The following HCN4 variants were observed in gnomAD, a reference collection of about 807,000 sequenced individuals.
HCN4 encodes the protein hyperpolarization activated cyclic nucleotide gated potassium channel 4.
Under a neutral mutation model 76.9 loss-of-function variants are expected in HCN4, and 29 were observed. The observed-to-expected ratio is 0.38, with a 90% CI of 0.28 to 0.51. HCN4 has a LOEUF of 0.51. HCN4 is among the 20% of genes least tolerant of loss of function. The pLI, the probability that HCN4 is intolerant of heterozygous loss-of-function variation, is 0.90. For synonymous variants in HCN4, 772 were observed against 762.5 expected, an observed-to-expected ratio of 1.01 and a Z score of -0.21; for missense variants, 1,416 against 1,715.2, an observed-to-expected ratio of 0.83 and a Z score of 3.08.
In HCN4 at chr15:73,320,580, G is replaced by C. The variant is rs972236001; in HGVS notation, c.*1901C>G. The C allele has an allele frequency of 2.0e-5, 3 of 152,214 alleles. No individual in the cohort carries two copies. Among genetic ancestry groups the C allele is most frequent in the African/African-American group, 7.2e-5 (3 of 41,408 alleles). The allele number at this position is 152,214 out of a possible 1,614,324, so 9.4% of individuals were successfully genotyped here. ...CTGGCAAGATCCCATCTGGGAGGAG[G>C]GAGGATGGTGCCTCCAAAGGCATCT... On this transcript the variant is annotated 3_prime_UTR_variant, in exon 8 of 8. Transcript: ENST00000261917.
chr15:73,356,747 G>A (rs921503868), intron 1 of HCN4, among the ~76,000 whole-genome samples: 1 of 152,012 alleles, frequency 6.6e-6, no homozygotes, highest in African/African-American at 2.4e-5. Flanking sequence ...GTCTAACAAG[G>A]AAGATGAGTG....
intron 2 of HCN4, chr15:73,342,480 A>G: frequency 6.6e-6 from 1 of 152,368 alleles, no homozygotes; most frequent in Non-Finnish European, 1.5e-5. Flanking sequence ...CAGTGCCTTG[A>G]ACCAATGACT....
rs1199622957 is a variant in HCN4 at position 73,322,006 on chromosome 15, C to A, written c.*475G>T. 1.1e-5 allele frequency: 2 copies of A among 190,346 alleles called. No homozygotes were observed. Among genetic ancestry groups the A allele is most frequent in the African/African-American group, 4.8e-5 (2 of 41,952 alleles). 11.8% of individuals were successfully genotyped at this position (190,346 alleles called of 1,614,324 possible). A position where few individuals can be genotyped will look rare whatever the true frequency, so the allele number is the denominator to read the frequency against. ...AGGCCCTCAGGGCCCTGGCCCTTTTCTCCCAAGGTCGCAGGCTTCTGAGGC... is the reference window on the plus strand; with the variant it reads ...AGGCCCTCAGGGCCCTGGCCCTTTTATCCCAAGGTCGCAGGCTTCTGAGGC... On this transcript the variant is annotated 3_prime_UTR_variant, in exon 8 of 8. Transcript: ENST00000261917.
Position 73,326,792 on chromosome 15 carries a change from TA to T in HCN4, c.1591-1349del, listed in dbSNP as rs199939962. Among the ~76,000 whole-genome samples the T allele has an allele frequency of 7.2e-3, 1,076 of 150,282 alleles. 54 individuals are homozygous for T. The highest frequency in any genetic ancestry group is 0.063 in the Admixed American group (961 of 15,138). On this transcript the variant is annotated intron_variant, in intron 4 of 7. Transcript: ENST00000261917. Reference sequence around the variant, plus strand: ...CTTTTTATTTATTTATTTATTTATTTATTTTTTTTGTTAAGACAGGGTCTCG... The same window carrying T: ...CTTTTTATTTATTTATTTATTTATTTTTTTTTTTGTTAAGACAGGGTCTCG...
Position 73,322,275 on chromosome 15 carries a change from G to A in HCN4, c.*206C>T. The A allele has an allele frequency of 4.0e-6, 2 of 500,944 alleles. No individual in the cohort carries two copies. The highest frequency in any genetic ancestry group is 7.4e-6 in the Non-Finnish European group (2 of 271,282). The allele number at this position is 500,944 out of a possible 1,614,324, so 31.0% of individuals were successfully genotyped here. On this transcript the variant is annotated 3_prime_UTR_variant, in exon 8 of 8. Transcript: ENST00000261917. ...TCCCCCTCCCTCCCTCTAGTGCTGAGTATTAAAATAGTCTATAAAAGCAAG... is the reference window on the plus strand; with the variant it reads ...TCCCCCTCCCTCCCTCTAGTGCTGAATATTAAAATAGTCTATAAAAGCAAG...
Position 73,356,294 on chromosome 15 carries a change from G to A in HCN4, c.785+11192C>T, listed in dbSNP as rs995901868. 8.7e-5 allele frequency among the ~76,000 whole-genome samples: 13 copies of A among 149,886 alleles called. 1 individual carries two copies. The highest frequency in any genetic ancestry group is 6.0e-4 in the Admixed American group (9 of 15,020). On this transcript the variant is annotated intron_variant, in intron 1 of 7. Transcript: ENST00000261917. The stretch of plus-strand genomic sequence containing the variant: ...CTCGACCTCCCTGGGCTCAAGCCAC[G>A]CTCCTGCTTGAGTCTCTGGAGTGGC...
chr15:73,348,210 C>T (rs2043037468), intron 1 of HCN4, among the ~76,000 whole-genome samples: 1 of 152,186 alleles, frequency 6.6e-6, no homozygotes, highest in African/African-American at 2.4e-5. Flanking sequence ...AGACTAAGGG[C>T]CCTCTCCTTC....
intron 1 of HCN4, among the ~76,000 whole-genome samples, chr15:73,358,859 TA>T (rs747742938): frequency 3.3e-5 from 5 of 152,180 alleles, no homozygotes; most frequent in Admixed American, 2.0e-4. Flanking sequence ...CATATTGATC[TA>T]TTGCTCATCT....
In HCN4 at chr15:73,322,439, A is replaced by G; in HGVS notation, c.*42T>C. The G allele has an allele frequency of 6.9e-7, 1 of 1,441,370 alleles. No homozygotes were observed. The highest frequency in any genetic ancestry group is 9.6e-7 in the Non-Finnish European group (1 of 1,045,528). 89.3% of individuals were successfully genotyped at this position (1,441,370 alleles called of 1,614,324 possible). The stretch of plus-strand genomic sequence containing the variant: ...ACAGTTAAACCTGAAGGAAGAAGGA[A>G]GGGAGAGAAAAGAAGAAAGAAGAGG... On this transcript the variant is annotated 3_prime_UTR_variant, in exon 8 of 8. Coordinates refer to ENST00000261917, the MANE Select transcript of HCN4 (RefSeq NM_005477.3).
At chr15:73,355,201 T>C (rs899334585) in intron 1 of HCN4, among the ~76,000 whole-genome samples, 24 of 152,200 alleles carry the variant, frequency 1.6e-4, no homozygotes, top group African/African-American at 5.8e-4. Flanking sequence ...GCCCATGCTA[T>C]GCGATGGAAG....
intron 3 of HCN4, among the ~76,000 whole-genome samples, chr15:73,331,750 C>T (rs758718432): frequency 7.2e-5 from 11 of 152,192 alleles, no homozygotes; most frequent in Non-Finnish European, 8.8e-5. Flanking sequence ...CAGCCTCAGG[C>T]TCAGCTTTTA....
chr15:73,368,223 CG>C lies in HCN4; in HGVS notation c.47del (p.Pro16ArgfsTer216). 1 of 1,527,118 alleles carries C rather than the reference CG, an allele frequency of 6.5e-7. No homozygotes were observed. The highest frequency in any genetic ancestry group is 8.8e-7 in the Non-Finnish European group (1 of 1,139,286). 94.6% of individuals were successfully genotyped at this position (1,527,118 alleles called of 1,614,324 possible). ...TCCACGCCTTGGCCCCCACCTGCTG[CG>C]GGAGGCTGTAGAGCCGCTTGCGCAT... ...PSMRKRLYSL[P>X]QQVGAKAWIM... is the part of the protein sequence containing the mutation. On this transcript the variant is annotated frameshift_variant, in exon 1 of 8. Coordinates refer to ENST00000261917, the MANE Select transcript of HCN4 (RefSeq NM_005477.3). LOFTEE classifies it high-confidence loss of function. This position sits in a 1 kb window ranked among gnomAD's most constrained non-coding sequence, Gnocchi z 6.9.
intron 6 of HCN4, 121 bp downstream of exon 6, chr15:73,324,834 C>T: frequency 1.6e-6 from 2 of 1,277,510 alleles, no homozygotes; most frequent in Non-Finnish European, 2.2e-6. Context: ...CCTGGGCTCA[C>T]AGACACCTCC....
chr15:73,323,026 C>T lies in HCN4; in HGVS notation c.3067G>A (p.Gly1023Arg). 1 of 1,490,436 alleles carries T rather than the reference C, an allele frequency of 6.7e-7. No individual in the cohort carries two copies. Among genetic ancestry groups the T allele is most frequent in the Non-Finnish European group, 8.9e-7 (1 of 1,124,002 alleles). 92.3% of individuals were successfully genotyped at this position (1,490,436 alleles called of 1,614,324 possible). A position where few individuals can be genotyped will look rare whatever the true frequency, so the allele number is the denominator to read the frequency against. ...GASPVGFTPR[G>R]GLSPPGHSPG... ...CTGTGGCCAGGGGGGCTGAGACCTC[C>T]TCGGGGAGTAAAGCCTACAGGGGAA... The change falls in exon 8 of 8, where the codon GGA becomes AGA. Residue 1023 changes from glycine (G) to arginine (R), a missense_variant. Gly to Arg is a moderately radical substitution (Grantham distance 125). This residue lies in a region of HCN4 where 633 missense variants were observed against 579.8 expected (regional missense o/e 1.09). Coordinates refer to ENST00000261917, the MANE Select transcript of HCN4 (RefSeq NM_005477.3).
At position 73,332,184 on chromosome 15, in the gene HCN4, G is replaced by A. The variant is rs1460379286; in HGVS notation, c.1318C>T (p.Pro440Ser). The A allele has an allele frequency of 6.2e-7, 1 of 1,614,240 alleles. No homozygotes were observed. Among genetic ancestry groups the A allele is most frequent in the Non-Finnish European group, 8.5e-7 (1 of 1,180,026 alleles). ...TCGTCAGGGAAGTCCTGTAGCATGG[G>A]TACCAGGAACTGCAGGCAGCCGTCC... ...HWDGCLQFLV[P>S]MLQDFPDDCW... Residue 440 changes from proline (P) to serine (S), a missense_variant, in exon 3 of 8, where the codon CCC becomes TCC. Transcript: ENST00000261917.
intron 3 of HCN4, 84 bp downstream of exon 3, chr15:73,332,047 G>C: frequency 7.3e-7 from 1 of 1,361,610 alleles, no homozygotes; most frequent in Non-Finnish European, 1.0e-6. Flanking sequence ...CTGGAACTCA[G>C]AAGTTCCAAG....
At chr15:73,358,372 T>G (rs2043090492) in intron 1 of HCN4, among the ~76,000 whole-genome samples, 1 of 152,214 alleles carries the variant, frequency 6.6e-6, no homozygotes, top group South Asian at 2.1e-4. Flanking sequence ...GAGAAGCCCA[T>G]GGCTGACTTT....
chr15:73,329,523 G>A (rs1406252236), intron 4 of HCN4, 50 bp downstream of exon 4: 13 of 1,575,858 alleles, frequency 8.2e-6, no homozygotes, highest in Middle Eastern at 2.0e-4. Flanking sequence ...GGTGGCCTGT[G>A]CTCCCTCTTG....
intron 1 of HCN4, among the ~76,000 whole-genome samples, chr15:73,348,509 T>C (rs2043039124): frequency 1.3e-5 from 2 of 152,280 alleles, no homozygotes; most frequent in African/African-American, 4.8e-5. Flanking sequence ...TACACATGCA[T>C]ACTTTCTTGC....
Sources: allele counts gnomAD v4.1 joint callset (sites outside exome capture counted in the v4.1 genomes callset), GRCh38; gene constraint gnomAD v4.1.1; regional missense constraint gnomAD v4.1.1; non-coding constraint Gnocchi (gnomAD v3.1); transcripts MANE v1.5; gene names NCBI Gene and HGNC (gene_info 2026-07-23, HGNC 2026-07-21).